Variants in PCDHGB3 observed in about 807,000 individuals in gnomAD.
PCDHGB3 encodes protocadherin gamma-B3.
In PCDHGB3, 40 loss-of-function variants were observed where a neutral mutation model predicts 59.2. That is an observed-to-expected ratio of 0.68 (90% CI 0.52 to 0.88). The LOEUF (loss-of-function observed/expected upper bound fraction) is 0.88, where lower values mean the gene tolerates loss of function less well. Ranked by LOEUF, PCDHGB3 falls within the 40% of genes least tolerant of loss-of-function variation. The pLI is 0.00. For missense variants in PCDHGB3, 1,309 were observed against 1,187.9 expected (o/e 1.10, Z -1.50); for synonymous variants, 581 against 503.6 (o/e 1.15, Z -2.06).
At chr5:141,450,453 C>T (rs1202828231) in intron 1 of PCDHGB3, among the ~76,000 whole-genome samples, 3 of 152,058 alleles carry the variant, frequency 2.0e-5, no homozygotes, top group East Asian at 1.9e-4. Flanking sequence ...TATGTTTCCT[C>T]GTGATTTTAT....
At chr5:141,374,035 A>G in intron 1 of PCDHGB3, 1 of 1,444,760 alleles carries the variant, frequency 6.9e-7, no homozygotes, top group Non-Finnish European at 9.1e-7. Context: ...AGTGATGCAG[A>G]TCTGTTCTTC....
chr5:141,448,621 T>C (rs2098597629), intron 1 of PCDHGB3, among the ~76,000 whole-genome samples: 1 of 152,168 alleles, frequency 6.6e-6, no homozygotes, highest in Admixed American at 6.5e-5. Flanking sequence ...TATATCTTCC[T>C]TTCTTCACAT....
chr5:141,388,256 G>T, intron 1 of PCDHGB3: 1 of 1,611,074 alleles, frequency 6.2e-7, no homozygotes, highest in Non-Finnish European at 8.5e-7. Flanking sequence ...TGGAGATCGA[G>T]GACATTAATG....
chr5:141,409,824 C>T (rs1265260597), intron 1 of PCDHGB3: 1 of 1,610,860 alleles, frequency 6.2e-7, no homozygotes, highest in Non-Finnish European at 8.5e-7. Flanking sequence ...GGCTCGCCCA[C>T]GCTCAGCGCC....
intron 1 of PCDHGB3, among the ~76,000 whole-genome samples, chr5:141,450,267 C>T (rs971441306): frequency 4.6e-5 from 7 of 152,106 alleles, no homozygotes; most frequent in African/African-American, 1.7e-4. Context: ...ATCTGCCCAC[C>T]TCAGCTAAGT....
At chr5:141,415,315 G>A (rs201784236) in intron 1 of PCDHGB3, 2 of 1,614,220 alleles carry the variant, frequency 1.2e-6, no homozygotes, top group Middle Eastern at 1.6e-4. Context: ...CTTCGTCATC[G>A]TGCTGCTGGC....
At chr5:141,388,365 G>A (rs2091332064) in intron 1 of PCDHGB3, 1 of 1,614,002 alleles carries the variant, frequency 6.2e-7, no homozygotes, top group East Asian at 2.2e-5. Flanking sequence ...CCATGATGCG[G>A]ATATTGGTAG....
intron 1 of PCDHGB3, chr5:141,393,374 T>G (rs11575958): frequency 0.026 from 42,476 of 1,613,728 alleles, 744 homozygotes; most frequent in East Asian, 0.04. Flanking sequence ...CTGGAGACAA[T>G]GGAGCCATAA....
In PCDHGB3 at chr5:141,415,292, G is replaced by T. The variant is rs778092218; in HGVS notation, c.2415+42483G>T. The T allele has an allele frequency of 1.7e-5, 28 of 1,614,082 alleles. No individual in the cohort carries two copies. Among genetic ancestry groups the T allele is most frequent in the Non-Finnish European group, 2.3e-5 (27 of 1,180,046 alleles). Reference sequence around the variant, plus strand: ...GTGGTAGCGGTGGCCGCGGTCTCCTGCGTCTTCCTGGCCTTCGTCATCGTG... The same window carrying T: ...GTGGTAGCGGTGGCCGCGGTCTCCTTCGTCTTCCTGGCCTTCGTCATCGTG... On this transcript the variant is annotated intron_variant, in intron 1 of 3. Coordinates refer to ENST00000576222, the MANE Select transcript of PCDHGB3 (RefSeq NM_018924.5).
At chr5:141,395,156 T>C in intron 1 of PCDHGB3, 4 of 1,614,114 alleles carry the variant, frequency 2.5e-6, no homozygotes, top group East Asian at 4.5e-5. Context: ...TGCTCATCAG[T>C]CAGGAGGGCT....
Position 141,370,602 on chromosome 5 carries a change from G to A in PCDHGB3, c.208G>A (p.Ala70Thr). Residue 70 changes from alanine (A) to threonine (T), a missense_variant, in exon 1 of 4, where the codon GCA (alanine) becomes ACA (threonine). Coordinates refer to ENST00000576222, the MANE Select transcript of PCDHGB3 (RefSeq NM_018924.5). Reference sequence around the variant, plus strand: ...ACCTACTAGGAACCTGCGGGTTATTGCAGAGAAGAAATTCTTTACCGTGAG... The same window carrying A: ...ACCTACTAGGAACCTGCGGGTTATTACAGAGAAGAAATTCTTTACCGTGAG... ...DLPTRNLRVI[A>T]EKKFFTVSPE... The A allele has an allele frequency of 6.2e-7, 1 of 1,613,954 alleles. No homozygotes were observed. Among genetic ancestry groups the A allele is most frequent in the Non-Finnish European group, 8.5e-7 (1 of 1,179,888 alleles).
At chr5:141,402,827 G>C in intron 1 of PCDHGB3, 10 of 1,330,136 alleles carry the variant, frequency 7.5e-6, no homozygotes, top group Non-Finnish European at 9.9e-6. Context: ...CTGCTCCCAG[G>C]CTGCAGCAAA....
chr5:141,382,838 A>C (rs1040102322), intron 1 of PCDHGB3: 1 of 1,445,878 alleles, frequency 6.9e-7, no homozygotes, highest in Non-Finnish European at 9.3e-7. Flanking sequence ...GTCCACCCGG[A>C]TACACCCGCA....
chr5:141,426,717 G>A (rs974405285), intron 1 of PCDHGB3: 1 of 446,052 alleles, frequency 2.2e-6, no homozygotes, highest in African/African-American at 2.0e-5. Flanking sequence ...CAATGAACTA[G>A]CAATTCCAGG....
At position 141,383,772 on chromosome 5, in the gene PCDHGB3, G is replaced by A. The variant is rs187406135; in HGVS notation, c.2415+10963G>A. The A allele has an allele frequency of 1.7e-5, 27 of 1,613,982 alleles. No homozygotes were observed. Among genetic ancestry groups the A allele is most frequent in the Admixed American group, 8.3e-5 (5 of 60,026 alleles). ...AAATAACTCCTAAACTTCCAAAGAT[G>A]TTTCATCTGAACTCGCTTACAGGAG... is the stretch of plus-strand genomic sequence containing the variant. On this transcript the variant is annotated intron_variant, in intron 1 of 3. Transcript: ENST00000576222.
At chr5:141,421,387 G>A in intron 1 of PCDHGB3, 3 of 1,614,054 alleles carry the variant, frequency 1.9e-6, no homozygotes, top group Non-Finnish European at 2.5e-6. Context: ...CAAGGACCTG[G>A]GGCTGGAGCC....
At chr5:141,404,315 G>T (rs775576610) in intron 1 of PCDHGB3, 2 of 1,613,886 alleles carry the variant, frequency 1.2e-6, no homozygotes, top group African/African-American at 2.7e-5. Context: ...TTTCTCTCAA[G>T]CCTCCTACTC....
rs558944208 is a variant in PCDHGB3, at chr5:141,478,187, A to G, written c.2416-16620A>G. On this transcript the variant is annotated intron_variant, in intron 1 of 3. Coordinates refer to ENST00000576222, the MANE Select transcript of PCDHGB3 (RefSeq NM_018924.5). ...CCCCCGGGAGCAGAAAAAAAATCTC[A>G]CCTTTTATCTACTTCTTTCTCTAAT... is the stretch of plus-strand genomic sequence containing the variant. The G allele has an allele frequency of 2.9e-5, 46 of 1,613,548 alleles. No individual in the cohort carries two copies. The highest frequency in any genetic ancestry group is 3.9e-5 in the Non-Finnish European group (46 of 1,179,954).
chr5:141,503,077 TCTC>T (rs1212079220), intron 2 of PCDHGB3, among the ~76,000 whole-genome samples: 1 of 151,810 alleles, frequency 6.6e-6, no homozygotes, highest in African/African-American at 2.4e-5. Flanking sequence ...ATGGTCTCGA[TCTC>T]CTGACCTCGT....
Sources: gnomAD v4.1 joint callset for allele counts (sites outside exome capture counted in the v4.1 genomes callset) on GRCh38, gnomAD v4.1.1 for gene constraint, MANE v1.5 for transcripts, NCBI Gene and HGNC (gene_info 2026-07-23, HGNC 2026-07-21) for gene names.